Variants in MAGI1 observed in about 807,000 individuals in gnomAD.
MAGI1 encodes membrane associated guanylate kinase, WW and PDZ domain containing 1, also known as membrane-associated guanylate kinase, WW and PDZ domain-containing protein 1.
In MAGI1, 58 loss-of-function variants were observed where a neutral mutation model predicts 139.9. The observed-to-expected ratio is 0.41, with a 90% confidence interval of 0.34 to 0.52. MAGI1 has a LOEUF of 0.52. MAGI1 is among the 20% of genes least tolerant of loss of function. The probability of loss-of-function intolerance (pLI) is 0.12; values close to 1 mark genes in which losing one functional copy is unlikely to be tolerated. For missense variants in MAGI1, 1,874 were observed against 1,901.6 expected (o/e 0.99, Z 0.27); for synonymous variants, 812 against 737.9 (o/e 1.10, Z -1.63).
intron 1 of MAGI1, among the ~76,000 whole-genome samples, chr3:65,640,882 G>A (rs1041143863): frequency 5.3e-5 from 8 of 152,108 alleles, no homozygotes; most frequent in Non-Finnish European, 1.2e-4. Flanking sequence ...GAGATCAAAC[G>A]TTTGTCACTG....
At chr3:65,857,878 G>T (rs2059422148) in intron 1 of MAGI1, among the ~76,000 whole-genome samples, 1 of 152,096 alleles carries the variant, frequency 6.6e-6, no homozygotes, top group Non-Finnish European at 1.5e-5. Context: ...CAAGAAGGGG[G>T]GGAACAAATG....
chr3:65,900,059 A>G (rs1244238897), intron 1 of MAGI1, among the ~76,000 whole-genome samples: 1 of 152,184 alleles, frequency 6.6e-6, no homozygotes, highest in Non-Finnish European at 1.5e-5. Flanking sequence ...CTTTTACATT[A>G]TCATGTGTCC....
chr3:65,847,731 T>C (rs1190488371), intron 1 of MAGI1, among the ~76,000 whole-genome samples: 1 of 152,208 alleles, frequency 6.6e-6, no homozygotes, highest in African/African-American at 2.4e-5. Context: ...GATGCAGAGA[T>C]GATTTTGTAT....
At chr3:65,509,397 GT>G (rs2077457333) in intron 2 of MAGI1, among the ~76,000 whole-genome samples, 1 of 152,292 alleles carries the variant, frequency 6.6e-6, no homozygotes, top group East Asian at 1.9e-4. Flanking sequence ...GAGGTACCGG[GT>G]TTATCTCACT....
intron 2 of MAGI1, among the ~76,000 whole-genome samples, chr3:65,552,457 T>A (rs1005680613): frequency 3.9e-5 from 6 of 152,212 alleles, no homozygotes; most frequent in Non-Finnish European, 7.3e-5. Flanking sequence ...GAGTGGCTTA[T>A]CCTTTGAAGC....
chr3:65,499,276 G>C (rs549004634), intron 2 of MAGI1, among the ~76,000 whole-genome samples: 4 of 152,106 alleles, frequency 2.6e-5, no homozygotes, highest in African/African-American at 7.2e-5. Flanking sequence ...GAGTGTCCAC[G>C]AATATGGAAA....
intron 1 of MAGI1, among the ~76,000 whole-genome samples, chr3:66,006,434 C>A (rs2067014040): frequency 6.6e-6 from 1 of 152,118 alleles, no homozygotes; most frequent in African/African-American, 2.4e-5. Context: ...TATATACACA[C>A]ATATAGGTAT....
At chr3:66,026,652 T>C (rs1484585408) in intron 1 of MAGI1, among the ~76,000 whole-genome samples, 1 of 151,382 alleles carries the variant, frequency 6.6e-6, no homozygotes, top group African/African-American at 2.4e-5. Context: ...TTTGAAATAA[T>C]GAAGTGCATG....
At chr3:65,370,773 G>A (rs570077132) in intron 18 of MAGI1, among the ~76,000 whole-genome samples, 9 of 152,260 alleles carry the variant, frequency 5.9e-5, no homozygotes, top group South Asian at 4.1e-4. Flanking sequence ...TATCCTGCCC[G>A]TTGCCCCAAA....
intron 2 of MAGI1, among the ~76,000 whole-genome samples, chr3:65,530,305 T>C (rs989141350): frequency 5.3e-5 from 8 of 152,186 alleles, no homozygotes; most frequent in Non-Finnish European, 1.2e-4. Context: ...GGCGAGTCTT[T>C]CACTCCTTTT....
At chr3:65,973,880 A>G (rs1222295908) in intron 1 of MAGI1, among the ~76,000 whole-genome samples, 2 of 152,124 alleles carry the variant, frequency 1.3e-5, no homozygotes, top group Non-Finnish European at 2.9e-5. Flanking sequence ...ATAATCAGGG[A>G]AAAAAATGTA....
At chr3:65,503,372 G>A (rs909187045) in intron 2 of MAGI1, among the ~76,000 whole-genome samples, 4 of 152,130 alleles carry the variant, frequency 2.6e-5, no homozygotes, top group Admixed American at 6.5e-5. Flanking sequence ...GGCCACTCAG[G>A]GCAACATAAA....
At chr3:65,801,678 T>C (rs1032334671) in intron 1 of MAGI1, among the ~76,000 whole-genome samples, 1 of 152,220 alleles carries the variant, frequency 6.6e-6, no homozygotes, top group Non-Finnish European at 1.5e-5. Flanking sequence ...AAAATGCAGA[T>C]AGGTTTTAAA....
chr3:65,427,178 G>A (rs1018939787), intron 12 of MAGI1, among the ~76,000 whole-genome samples: 5 of 152,056 alleles, frequency 3.3e-5, no homozygotes, highest in Admixed American at 6.6e-5. Context: ...CGGGAGTGGT[G>A]GCATGCACCT....
chr3:65,372,331 A>AT (rs1006607138), intron 18 of MAGI1, among the ~76,000 whole-genome samples: 1 of 152,116 alleles, frequency 6.6e-6, no homozygotes, highest in African/African-American at 2.4e-5. Context: ...TTTGAAAGAA[A>AT]TTTTTTTCCC....
chr3:65,884,097 C>T (rs537956287), intron 1 of MAGI1, among the ~76,000 whole-genome samples: 1 of 152,216 alleles, frequency 6.6e-6, no homozygotes, highest in East Asian at 1.9e-4. Flanking sequence ...GCAAGATAAA[C>T]AGAGAGTAGA....
intron 2 of MAGI1, among the ~76,000 whole-genome samples, chr3:65,508,256 T>C (rs2077388102): frequency 6.6e-6 from 1 of 151,968 alleles, no homozygotes; most frequent in South Asian, 2.1e-4. Context: ...ACGAAAAAGT[T>C]AGCCGGGCGT....
intron 12 of MAGI1, among the ~76,000 whole-genome samples, chr3:65,404,956 T>C (rs1945213502): frequency 6.6e-6 from 1 of 152,174 alleles, no homozygotes; most frequent in Non-Finnish European, 1.5e-5. Flanking sequence ...ATATCACATA[T>C]AAGGCATACA....
chr3:65,540,976 A>G (rs1559652193), intron 2 of MAGI1, among the ~76,000 whole-genome samples: 1 of 152,250 alleles, frequency 6.6e-6, no homozygotes, highest in Non-Finnish European at 1.5e-5. Context: ...TGGTGTATGT[A>G]TCAAAAACAA....
Sources: allele counts gnomAD v4.1 joint callset (sites outside exome capture counted in the v4.1 genomes callset), GRCh38; gene constraint gnomAD v4.1.1; transcripts MANE v1.5; gene names NCBI Gene and HGNC (gene_info 2026-07-23, HGNC 2026-07-21).